USO1: variants seen among roughly 807,000 people sequenced by gnomAD.
USO1 encodes USO1 vesicle transport factor.
USO1 carries 57 observed loss-of-function variants against 124.5 expected under a neutral mutation model. The observed-to-expected ratio is 0.46, with a 90% CI of 0.37 to 0.57. The LOEUF (loss-of-function observed/expected upper bound fraction) is 0.57. USO1 is among the 20% of genes least tolerant of loss of function. The probability of loss-of-function intolerance (pLI) is 0.00; values close to 1 mark genes in which losing one functional copy is unlikely to be tolerated. For synonymous variants in USO1, 369 were observed against 362.8 expected, an observed-to-expected ratio of 1.02 and a Z score of -0.19; for missense variants, 900 against 1,040.6, an observed-to-expected ratio of 0.86 and a Z score of 1.86.
intron 12 of USO1, among the ~76,000 whole-genome samples, chr4:75,793,026 T>C (rs1722574265): frequency 6.6e-6 from 1 of 152,140 alleles, no homozygotes; most frequent in Admixed American, 6.5e-5. Context: ...CTGGCTTATT[T>C]CACTTAATAT....
In USO1 at chr4:75,808,107, C is replaced by T. The variant is rs138411824; in HGVS notation, c.2377-846C>T. Among the ~76,000 whole-genome samples the T allele has an allele frequency of 7.5e-3, 1,134 of 152,204 alleles. 22 individuals carry two copies. Among genetic ancestry groups the T allele is most frequent in the African/African-American group, 0.026 (1,092 of 41,534 alleles). ...GTCTCCAGACATTACCAAATGTCCT[C>T]GGGGATGGGGGGATATGGGGAGAAA... On this transcript the variant is annotated intron_variant, in intron 20 of 23. Transcript: ENST00000514213.
At chr4:75,755,848 C>A (rs1471889500) in intron 3 of USO1, among the ~76,000 whole-genome samples, 1 of 152,002 alleles carries the variant, frequency 6.6e-6, no homozygotes, top group Non-Finnish European at 1.5e-5. Context: ...CCCTGGTGGA[C>A]CCAGTGTTAT....
At position 75,805,735 on chromosome 4, in the gene USO1, A is replaced by C. The variant is rs904156377; in HGVS notation, c.2289+432A>C. 2.6e-5 allele frequency among the ~76,000 whole-genome samples: 4 copies of C among 152,034 alleles called. 1 individual carries two copies. The highest frequency in any genetic ancestry group is 2.6e-4 in the Admixed American group (4 of 15,252). ...AAAAAAAAAAAAAAAAAGATTTTACAGGATGAGCTTTAGAGTCAAACTGTT... is the reference window on the plus strand; with the variant it reads ...AAAAAAAAAAAAAAAAAGATTTTACCGGATGAGCTTTAGAGTCAAACTGTT... On this transcript the variant is annotated intron_variant, in intron 19 of 23. Transcript: ENST00000514213.
At chr4:75,807,313 T>C (rs1235810736) in intron 20 of USO1, among the ~76,000 whole-genome samples, 1 of 151,992 alleles carries the variant, frequency 6.6e-6, no homozygotes, top group Non-Finnish European at 1.5e-5. Flanking sequence ...TCCTCTCTTT[T>C]CTTCTCTCTC....
At chr4:75,792,444 G>A (rs1400414818) in intron 12 of USO1, among the ~76,000 whole-genome samples, 1 of 152,198 alleles carries the variant, frequency 6.6e-6, no homozygotes, top group Non-Finnish European at 1.5e-5. Context: ...GACTGAGGCA[G>A]GAGAATCGCT....
At chr4:75,789,807 A>T (rs148880891) in intron 10 of USO1, among the ~76,000 whole-genome samples, 43 of 151,890 alleles carry the variant, frequency 2.8e-4, no homozygotes, top group Admixed American at 2.8e-3. Flanking sequence ...ATTTTATCTC[A>T]TAGAGAATAG....
intron 12 of USO1, among the ~76,000 whole-genome samples, chr4:75,791,610 C>T (rs1722535798): frequency 6.6e-6 from 1 of 152,162 alleles, no homozygotes; most frequent in Admixed American, 6.5e-5. Context: ...AGGTTAGAGT[C>T]ATTACCCTTT....
chr4:75,774,371 A>G (rs1383241222), intron 7 of USO1, among the ~76,000 whole-genome samples: 2 of 152,230 alleles, frequency 1.3e-5, no homozygotes, highest in Non-Finnish European at 1.5e-5. Flanking sequence ...CTTTAGCTGC[A>G]ACGAAAGCTA....
At chr4:75,728,704 A>T (rs1214006188) in intron 1 of USO1, among the ~76,000 whole-genome samples, 1 of 152,224 alleles carries the variant, frequency 6.6e-6, no homozygotes, top group Non-Finnish European at 1.5e-5. Flanking sequence ...TTATCATAGG[A>T]TAGTCAATTC....
intron 8 of USO1, among the ~76,000 whole-genome samples, chr4:75,780,717 G>A (rs749994021): frequency 7.5e-6 from 1 of 134,032 alleles, no homozygotes; most frequent in Non-Finnish European, 1.5e-5. Flanking sequence ...GTACAATCTC[G>A]GCTCATTGCA....
intron 1 of USO1, among the ~76,000 whole-genome samples, chr4:75,728,632 G>A (rs1317538098): frequency 6.6e-6 from 1 of 152,146 alleles, no homozygotes; most frequent in Non-Finnish European, 1.5e-5. Flanking sequence ...CAGCCTGGGC[G>A]AGAGAGCGAG....
chr4:75,730,376 GGC>G (rs1230332976), intron 1 of USO1, among the ~76,000 whole-genome samples: 2 of 152,086 alleles, frequency 1.3e-5, no homozygotes, highest in Non-Finnish European at 2.9e-5. Flanking sequence ...TTTGTAAGCA[GGC>G]ACTGTGTTAT....
intron 8 of USO1, among the ~76,000 whole-genome samples, chr4:75,779,859 A>G (rs1218225285): frequency 6.6e-6 from 1 of 152,240 alleles, no homozygotes; most frequent in African/African-American, 2.4e-5. Flanking sequence ...CTTCTATTGG[A>G]AGAAGATGCC....
At chr4:75,802,418 GA>G (rs1487046133) in intron 17 of USO1, among the ~76,000 whole-genome samples, 1 of 152,122 alleles carries the variant, frequency 6.6e-6, no homozygotes, top group Non-Finnish European at 1.5e-5. Context: ...TTTGGCAAAA[GA>G]AAAGAGTGAT....
chr4:75,770,284 C>A, intron 4 of USO1, 155 bp from the exon 5 acceptor site: 1 of 538,066 alleles, frequency 1.9e-6, no homozygotes, highest in South Asian at 4.5e-5. Flanking sequence ...AAGGATATAG[C>A]TTTACATAAT....
At chr4:75,766,388 G>T (rs774090606) in intron 4 of USO1, among the ~76,000 whole-genome samples, 1 of 152,206 alleles carries the variant, frequency 6.6e-6, no homozygotes, top group Non-Finnish European at 1.5e-5. Flanking sequence ...TGGTTCTCAA[G>T]TGAGGGCAAT....
chr4:75,725,683 G>A (rs2149132417), intron 1 of USO1, among the ~76,000 whole-genome samples: 1 of 152,100 alleles, frequency 6.6e-6, no homozygotes, highest in South Asian at 2.1e-4. Context: ...TCTAGGTTTA[G>A]AATACACTTA....
chr4:75,782,782 A>C lies in USO1; in HGVS notation c.779A>C (p.Lys260Thr), dbSNP rs1164586655. 6.2e-7 allele frequency: 1 copy of C among 1,601,348 alleles called. No homozygotes were observed. Among genetic ancestry groups the C allele is most frequent in the African/African-American group, 1.3e-5 (1 of 74,112 alleles). Residue 260 changes from lysine to threonine, a missense_variant, in exon 9 of 24, where the codon AAA becomes ACA. By Grantham distance (78) the Lys-to-Thr change is moderately conservative (BLOSUM62 -1). Coordinates refer to ENST00000514213, the MANE Select transcript of USO1 (RefSeq NM_003715.4). ...GAAGGCTCATATATTCAACGTATGA[A>C]ACCTTGGTTTGAAGTTGGAGATGAA... ...FKEGSYIQRM[K>T]PWFEVGDENS...
At chr4:75,725,006 C>A (rs766082701) in intron 1 of USO1, 121 bp downstream of exon 1, 2 of 1,037,632 alleles carry the variant, frequency 1.9e-6, no homozygotes, top group East Asian at 5.1e-5. Context: ...CACATGCCGC[C>A]TCCCCCTTTG....
Sources: allele counts gnomAD v4.1 joint callset (sites outside exome capture counted in the v4.1 genomes callset), GRCh38; gene constraint gnomAD v4.1.1; transcripts MANE v1.5; gene names NCBI Gene and HGNC (gene_info 2026-07-23, HGNC 2026-07-21).